CCDC3: variants seen among roughly 807,000 people sequenced by gnomAD.
The protein encoded by CCDC3 is coiled-coil domain-containing protein 3.
CCDC3 carries 24 observed loss-of-function variants against 21.4 expected under a neutral mutation model. The observed-to-expected ratio is 1.12, with a 90% confidence interval of 0.81 to 1.58. The LOEUF (loss-of-function observed/expected upper bound fraction) is 1.58. Among genes scored for constraint, CCDC3 ranks in the 40% most tolerant of loss-of-function variants. CCDC3 has a pLI of 0.00. For synonymous variants in CCDC3, 186 were observed against 166.0 expected, an observed-to-expected ratio of 1.12 and a Z score of -0.93; for missense variants, 425 against 360.9, an observed-to-expected ratio of 1.18 and a Z score of -1.44.
Position 13,001,591 on chromosome 10 carries a change from ACGGGGCGGCGGCGGGGAGCC to A in CCDC3, c.-41_-22del. 1.7e-6 allele frequency: 2 copies of A among 1,176,522 alleles called. No individual in the cohort carries two copies. The highest frequency in any genetic ancestry group is 2.1e-6 in the Non-Finnish European group (2 of 952,886). 72.9% of individuals were successfully genotyped at this position (1,176,522 alleles called of 1,614,324 possible). On this transcript the variant is annotated 5_prime_UTR_variant, in exon 1 of 3. Coordinates refer to ENST00000378825, the MANE Select transcript of CCDC3 (RefSeq NM_031455.4). ...AGCATGCCGGGCCCTCCCGGGGCGC[ACGGGGCGGCGGCGGGGAGCC>A]CGGGGAGCCCGCCGGCCCGGGAAGG...
At chr10:13,065,732 G>A (rs2131435927) in intron 4 of CCDC3, among the ~76,000 whole-genome samples, 1 of 152,160 alleles carries the variant, frequency 6.6e-6, no homozygotes, top group African/African-American at 2.4e-5. Flanking sequence ...CTAAATCCCT[G>A]CAACATTCTC....
chr10:12,967,892 C>T (rs1316146504), intron 2 of CCDC3, among the ~76,000 whole-genome samples: 5 of 152,146 alleles, frequency 3.3e-5, no homozygotes, highest in African/African-American at 4.8e-5. Flanking sequence ...AAAGACAGGT[C>T]GGGCATGGTG....
chr10:12,966,289 A>G (rs1371834608), intron 2 of CCDC3, among the ~76,000 whole-genome samples: 2 of 152,084 alleles, frequency 1.3e-5, no homozygotes, highest in African/African-American at 4.8e-5. Flanking sequence ...AGCAAGGTTG[A>G]GAAACTAGAA....
rs1394446408 is a variant in CCDC3, at chr10:12,897,316, G to C, written c.*1100C>G. The C allele has an allele frequency of 6.6e-6, 1 of 152,282 alleles. No homozygotes were observed. The highest frequency in any genetic ancestry group is 2.4e-5 in the African/African-American group (1 of 41,470). The allele number at this position is 152,282 out of a possible 1,614,324, so 9.4% of individuals were successfully genotyped here. On this transcript the variant is annotated 3_prime_UTR_variant, in exon 3 of 3. Transcript: ENST00000378825. Reference sequence around the variant, plus strand: ...TTTTACTTATAGTAGTGTCTTAAAAGTTTTATTTCCAGAAAGGTGAAGTGC... The same window carrying C: ...TTTTACTTATAGTAGTGTCTTAAAACTTTTATTTCCAGAAAGGTGAAGTGC...
intron 1 of CCDC3, 105 bp downstream of exon 1, chr10:13,001,092 C>T (rs1564315766): frequency 1.4e-6 from 2 of 1,413,364 alleles, no homozygotes; most frequent in Non-Finnish European, 1.9e-6. Flanking sequence ...TCTCACTTGA[C>T]ACCGACAGGC....
chr10:12,980,665 G>C (rs568349092), intron 2 of CCDC3, among the ~76,000 whole-genome samples: 7 of 152,238 alleles, frequency 4.6e-5, no homozygotes, highest in Non-Finnish European at 8.8e-5. Context: ...TTCCAACACA[G>C]AGGGGAGATA....
chr10:13,024,106 T>G (rs1836185276), intron 5 of CCDC3, among the ~76,000 whole-genome samples: 1 of 152,148 alleles, frequency 6.6e-6, no homozygotes, highest in South Asian at 2.1e-4. Context: ...CTCTGAGATA[T>G]CCTTCTTTTT....
chr10:13,036,893 T>C (rs1174923936), intron 5 of CCDC3, among the ~76,000 whole-genome samples: 1 of 151,084 alleles, frequency 6.6e-6, no homozygotes, highest in African/African-American at 2.4e-5. Flanking sequence ...AATCCTCTCA[T>C]CTCAGTATCC....
chr10:12,934,414 G>A (rs1834702186), intron 2 of CCDC3, among the ~76,000 whole-genome samples: 2 of 152,210 alleles, frequency 1.3e-5, no homozygotes, highest in Admixed American at 1.3e-4. Context: ...AGAAGAATAT[G>A]TGGCCTGCTG....
At chr10:13,083,015 C>T (rs571425420) in intron 3 of CCDC3, among the ~76,000 whole-genome samples, 27 of 152,142 alleles carry the variant, frequency 1.8e-4, no homozygotes, top group Non-Finnish European at 3.1e-4. Flanking sequence ...GGATGGCTTG[C>T]TGCCCACACA....
chr10:13,038,258 C>T (rs1588400146), intron 5 of CCDC3, among the ~76,000 whole-genome samples: 1 of 151,560 alleles, frequency 6.6e-6, no homozygotes. Context: ...TTAATGGATT[C>T]CGGGCTTAAT....
chr10:12,939,649 CCCT>C (rs1834789448), intron 2 of CCDC3, among the ~76,000 whole-genome samples: 2 of 5,360 alleles, frequency 3.7e-4, no homozygotes, highest in Admixed American at 2.3e-3. Flanking sequence ...AGATGAGATA[CCCT>C]GGGAAAGCGG....
intron 2 of CCDC3, among the ~76,000 whole-genome samples, chr10:12,905,347 G>A (rs1489930688): frequency 6.6e-6 from 1 of 152,184 alleles, no homozygotes; most frequent in Non-Finnish European, 1.5e-5. Flanking sequence ...AGCTGCAACG[G>A]CTGCTTCCAC....
At chr10:13,019,851 C>T (rs905722323) in intron 5 of CCDC3, among the ~76,000 whole-genome samples, 1 of 152,056 alleles carries the variant, frequency 6.6e-6, no homozygotes, top group African/African-American at 2.4e-5. Context: ...CAAAAATTAG[C>T]CCGGTGTGGT....
At chr10:12,961,991 A>C (rs1175185465) in intron 2 of CCDC3, among the ~76,000 whole-genome samples, 4 of 152,238 alleles carry the variant, frequency 2.6e-5, no homozygotes, top group Non-Finnish European at 4.4e-5. Context: ...CAGATGGGCA[A>C]ACATCACATT....
chr10:12,928,154 G>C (rs1834575747), intron 2 of CCDC3, among the ~76,000 whole-genome samples: 1 of 152,188 alleles, frequency 6.6e-6, no homozygotes, highest in African/African-American at 2.4e-5. Context: ...TTTAGAAGAG[G>C]TGACTATACC....
At position 12,978,069 on chromosome 10, in the gene CCDC3, A is replaced by T. The variant is rs529721644; in HGVS notation, c.549+20269T>A. On this transcript the variant is annotated intron_variant, in intron 2 of 2. Coordinates refer to ENST00000378825, the MANE Select transcript of CCDC3 (RefSeq NM_031455.4). ...AATTTCACTCTGTCATCCAGGCTGG[A>T]GTGCAGTGACACAATCTTGGCTCAC... Among the ~76,000 whole-genome samples, 12 of 150,910 alleles carry T rather than the reference A, an allele frequency of 8.0e-5. No individual in the cohort carries two copies. In the South Asian group the frequency reaches 2.5e-3, roughly 32 times the overall value.
chr10:13,031,670 T>C (rs189315483), intron 5 of CCDC3, among the ~76,000 whole-genome samples: 4 of 152,150 alleles, frequency 2.6e-5, no homozygotes, highest in African/African-American at 9.6e-5. Flanking sequence ...TCACCACCAA[T>C]CCCACAGAAA....
chr10:12,991,917 C>G (rs1287770252), intron 2 of CCDC3, among the ~76,000 whole-genome samples: 1 of 152,082 alleles, frequency 6.6e-6, no homozygotes, highest in Non-Finnish European at 1.5e-5. Flanking sequence ...CTGTCTCTTT[C>G]TTATCTTTTT....
Sources: allele counts gnomAD v4.1 joint callset (sites outside exome capture counted in the v4.1 genomes callset), GRCh38; gene constraint gnomAD v4.1.1; transcripts MANE v1.5; gene names NCBI Gene and HGNC (gene_info 2026-07-23, HGNC 2026-07-21).